RPH3AL: variants seen among roughly 807,000 people sequenced by gnomAD.
RPH3AL encodes the protein rabphilin 3A like (without C2 domains).
Under a neutral mutation model 43.1 loss-of-function variants are expected in RPH3AL, and 38 were observed. The ratio of observed to expected loss-of-function variants is 0.88; its 90% confidence interval spans 0.68 to 1.15. The LOEUF (loss-of-function observed/expected upper bound fraction) is 1.15. Among genes scored for constraint, RPH3AL ranks in the 50% most tolerant of loss-of-function variants. RPH3AL has a pLI of 0.00. For missense variants in RPH3AL, 462 were observed against 423.2 expected, an observed-to-expected ratio of 1.09 and a Z score of -0.81; for synonymous variants, 189 against 176.3, an observed-to-expected ratio of 1.07 and a Z score of -0.57.
chr17:321,778 G>A (rs2044488623), intron 3 of RPH3AL: 1 of 254,138 alleles, frequency 3.9e-6, no homozygotes. Flanking sequence ...GCAGACACAG[G>A]CTCCAAGCGC....
rs546416880 is a variant in RPH3AL, at chr17:329,347, G to A, written c.-36-1768C>T. On this transcript the variant is annotated intron_variant, in intron 2 of 9. Coordinates refer to ENST00000331302, the MANE Select transcript of RPH3AL (RefSeq NM_006987.4). ...AAAAATTAGCTGGGTGTGGTGGCGA[G>A]TGCCTGTAATCCCAGCTACTGAGGA... Among the ~76,000 whole-genome samples, 10 of 152,182 alleles carry A rather than the reference G, an allele frequency of 6.6e-5. No homozygotes were observed. In the East Asian group the frequency reaches 1.4e-3, roughly 21 times the overall value.
chr17:316,270 A>G (rs1170387287), intron 5 of RPH3AL, among the ~76,000 whole-genome samples: 2 of 64,924 alleles, frequency 3.1e-5, no homozygotes, highest in Non-Finnish European at 5.9e-5. Flanking sequence ...CTGTGACTCC[A>G]TCTCCAGTGA....
chr17:215,921 T>G lies in RPH3AL; in HGVS notation c.728-119A>C, dbSNP rs937600633. 4.9e-6 allele frequency: 5 copies of G among 1,016,822 alleles called. No homozygotes were observed. Among genetic ancestry groups the G allele is most frequent in the Non-Finnish European group, 6.6e-6 (5 of 755,926 alleles). 63.0% of individuals were successfully genotyped at this position (1,016,822 alleles called of 1,614,324 possible). A position where few individuals can be genotyped will look rare whatever the true frequency, so the allele number is the denominator to read the frequency against. ...ATGTCTGCCCCCCACCCCACCCACA[T>G]GGCTGCCAGGCTCTGGCCTGACCTC... On this transcript the variant is annotated intron_variant, in intron 8 of 9. Coordinates refer to ENST00000331302, the MANE Select transcript of RPH3AL (RefSeq NM_006987.4). The surrounding 1 kb of genome is among the most constrained non-coding windows in gnomAD (Gnocchi z 4.1).
intron 4 of RPH3AL, 94 bp from the exon 5 acceptor site, chr17:319,643 C>T (rs576456714): frequency 6.8e-7 from 1 of 1,465,672 alleles, no homozygotes; most frequent in South Asian, 1.2e-5. Context: ...CATGTGCTGT[C>T]CCCTCACCTG....
chr17:273,977 C>T (rs1419539020), intron 6 of RPH3AL, among the ~76,000 whole-genome samples: 3 of 152,296 alleles, frequency 2.0e-5, no homozygotes, highest in Non-Finnish European at 4.4e-5. Flanking sequence ...GGCCCAGGTA[C>T]GTTTGAGACG....
intron 5 of RPH3AL, among the ~76,000 whole-genome samples, chr17:295,284 A>G (rs1192545071): frequency 2.5e-5 from 3 of 122,302 alleles, no homozygotes; most frequent in Non-Finnish European, 3.3e-5. Flanking sequence ...AGGGACAGAG[A>G]TGCTGCAGAA....
At chr17:229,991 G>T (rs1332121208) in intron 7 of RPH3AL, among the ~76,000 whole-genome samples, 1 of 152,110 alleles carries the variant, frequency 6.6e-6, no homozygotes, top group Non-Finnish European at 1.5e-5. Flanking sequence ...GCTACCACCT[G>T]ACCACCCCTG....
chr17:314,629 CATTG>C, intron 5 of RPH3AL, among the ~76,000 whole-genome samples: 1 of 119,656 alleles, frequency 8.4e-6, no homozygotes, highest in Non-Finnish European at 2.0e-5. Flanking sequence ...GCCCCACCTC[CATTG>C]ACCTGTAGTC....
At chr17:266,732 G>A (rs2042335051) in intron 6 of RPH3AL, among the ~76,000 whole-genome samples, 1 of 152,246 alleles carries the variant, frequency 6.6e-6, no homozygotes, top group Non-Finnish European at 1.5e-5. Flanking sequence ...GAATTCTGAG[G>A]GTGCTGTTTT....
chr17:233,129 CCTGT>C (rs566695270), intron 7 of RPH3AL, among the ~76,000 whole-genome samples: 82 of 151,540 alleles, frequency 5.4e-4, no homozygotes, highest in African/African-American at 1.8e-3. Flanking sequence ...ACAGCATGTG[CCTGT>C]CTGTGTGGCA....
rs529829632 is a variant in RPH3AL, at chr17:345,544, G to C, written c.-213+7168C>G. ...AGAAACAGCCACCCAGGACTGGCTA[G>C]AGAACTGAGTCCTGGGGCAAGTGAG... On this transcript the variant is annotated intron_variant, in intron 1 of 9. Coordinates refer to ENST00000331302, the MANE Select transcript of RPH3AL (RefSeq NM_006987.4). Among the ~76,000 whole-genome samples the C allele has an allele frequency of 8.3e-4, 112 of 135,154 alleles. 13 individuals carry two copies. Among genetic ancestry groups the C allele is most frequent in the African/African-American group, 2.7e-3 (105 of 39,516 alleles). The allele number at this position is 135,154 out of a possible 152,430, so 88.7% of individuals were successfully genotyped here.
At chr17:339,745 G>T (rs1217522382) in intron 1 of RPH3AL, 3 of 152,258 alleles carry the variant, frequency 2.0e-5, no homozygotes, top group Admixed American at 6.5e-5. Flanking sequence ...GTGCCTACAG[G>T]TGCCTAACGA....
chr17:334,696 A>G (rs1190156711), intron 1 of RPH3AL, among the ~76,000 whole-genome samples: 2 of 134,742 alleles, frequency 1.5e-5, no homozygotes, highest in African/African-American at 2.8e-5. Context: ...GACAGGGACA[A>G]GGACAGGGAC....
chr17:328,660 T>C lies in RPH3AL; in HGVS notation c.-36-1081A>G, dbSNP rs544643401. On this transcript the variant is annotated intron_variant, in intron 2 of 9. Transcript: ENST00000331302. The surrounding 1 kb of genome is among the most constrained non-coding windows in gnomAD (Gnocchi z 4.2). ...AAAGCAGAAACAACGAAAATATCCA[T>C]CAACTGATGAATGAGGAAAATGTGC... is the stretch of plus-strand genomic sequence containing the variant. Among the ~76,000 whole-genome samples, 1 of 152,168 alleles carries C rather than the reference T, an allele frequency of 6.6e-6. No homozygotes were observed. Among genetic ancestry groups the C allele is most frequent in the East Asian group, 1.9e-4 (1 of 5,192 alleles).
Position 290,146 on chromosome 17 carries a change from G to A in RPH3AL, c.352-8292C>T, listed in dbSNP as rs9908860. 0.059 allele frequency among the ~76,000 whole-genome samples: 8,924 copies of A among 152,304 alleles called. 589 individuals carry two copies. Among genetic ancestry groups the A allele is most frequent in the East Asian group, 0.25 (1,295 of 5,176 alleles). On this transcript the variant is annotated intron_variant, in intron 5 of 9. Coordinates refer to ENST00000331302, the MANE Select transcript of RPH3AL (RefSeq NM_006987.4). This position sits in a 1 kb window ranked among gnomAD's most constrained non-coding sequence, Gnocchi z 4.2. Reference sequence around the variant, plus strand: ...CCCTCCCGGAACATGCCGACCTGCCGGGAAGACAAGCTGCACGGAGGCGTG... The same window carrying A: ...CCCTCCCGGAACATGCCGACCTGCCAGGAAGACAAGCTGCACGGAGGCGTG...
At chr17:285,034 T>G (rs1334797669) in intron 5 of RPH3AL, among the ~76,000 whole-genome samples, 3 of 152,180 alleles carry the variant, frequency 2.0e-5, no homozygotes, top group East Asian at 1.9e-4. Flanking sequence ...ATATCACATC[T>G]GCGTGACGGC....
At chr17:341,489 T>G (rs1367020597) in intron 1 of RPH3AL, 1 of 152,158 alleles carries the variant, frequency 6.6e-6, no homozygotes, top group South Asian at 2.1e-4. Context: ...CATCACACCA[T>G]TGCAAAATTT....
intron 2 of RPH3AL, among the ~76,000 whole-genome samples, chr17:329,293 T>G (rs1015539225): frequency 7.2e-5 from 11 of 151,866 alleles, no homozygotes; most frequent in Non-Finnish European, 1.5e-5. Flanking sequence ...GCCAATATGG[T>G]GAAACCCCGC....
chr17:314,383 G>A (rs565648969), intron 5 of RPH3AL, among the ~76,000 whole-genome samples: 2 of 143,794 alleles, frequency 1.4e-5, no homozygotes, highest in African/African-American at 2.8e-5. Context: ...AGTCCTGCAA[G>A]TTGGCCATTC....
Sources: allele counts gnomAD v4.1 joint callset (sites outside exome capture counted in the v4.1 genomes callset), GRCh38; gene constraint gnomAD v4.1.1; non-coding constraint Gnocchi (gnomAD v3.1); transcripts MANE v1.5; gene names NCBI Gene and HGNC (gene_info 2026-07-23, HGNC 2026-07-21).